Variants in OTUD7A observed in about 807,000 individuals in gnomAD.
The protein encoded by OTUD7A is OTU deubiquitinase 7A.
Under a neutral mutation model 65.7 loss-of-function variants are expected in OTUD7A, and 12 were observed. The ratio of observed to expected loss-of-function variants is 0.18; its 90% CI spans 0.12 to 0.30. OTUD7A has a LOEUF of 0.30. Ranked by LOEUF, OTUD7A falls within the 10% of genes least tolerant of loss-of-function variation. OTUD7A has a pLI of 1.00. For missense variants in OTUD7A, 1,148 were observed against 1,304.8 expected (o/e 0.88, Z 1.85); for synonymous variants, 641 against 586.3 (o/e 1.09, Z -1.35).
chr15:31,680,017 A>G (rs1331489422), intron 1 of OTUD7A, among the ~76,000 whole-genome samples: 18 of 152,232 alleles, frequency 1.2e-4, no homozygotes, highest in Non-Finnish European at 2.6e-4. Context: ...GACAAATGAA[A>G]AGAGAATCAA....
rs566757815 is a variant in OTUD7A at position 31,625,013 on chromosome 15, T to C, written c.151+30083A>G. ...GATGGGATGTCACTTCCGAGATTAC[T>C]CCATGACACACTGTGGCTTCCACCA... On this transcript the variant is annotated intron_variant, in intron 3 of 12. Coordinates refer to ENST00000307050, the MANE Select transcript of OTUD7A (RefSeq NM_001382637.1). Among the ~76,000 whole-genome samples, 16 of 152,336 alleles carry C rather than the reference T, an allele frequency of 1.1e-4. 1 individual carries two copies. The highest frequency in any genetic ancestry group is 6.8e-3 in the Middle Eastern group (2 of 294).
rs768113871 is a variant in OTUD7A at position 31,655,087 on chromosome 15, T to G, written c.151+9A>C. The G allele has an allele frequency of 1.2e-6, 2 of 1,607,240 alleles. No homozygotes were observed. Among genetic ancestry groups the G allele is most frequent in the Non-Finnish European group, 1.7e-6 (2 of 1,177,790 alleles). On this transcript the variant is annotated intron_variant, in intron 3 of 12. Coordinates refer to ENST00000307050, the MANE Select transcript of OTUD7A (RefSeq NM_001382637.1). Reference sequence around the variant, plus strand: ...AATGGTGGTGTGGGGAACAAGGAGGTGGGCTTACCTTCCAGCAGGTCTCTG... The same window carrying G: ...AATGGTGGTGTGGGGAACAAGGAGGGGGGCTTACCTTCCAGCAGGTCTCTG...
At chr15:31,654,201 T>C (rs1891921262) in intron 3 of OTUD7A, among the ~76,000 whole-genome samples, 1 of 102,572 alleles carries the variant, frequency 9.7e-6, no homozygotes, top group Non-Finnish European at 2.0e-5. Context: ...TTGATTTCCA[T>C]AGATTGCAAA....
At chr15:31,599,721 T>C (rs7177083) in intron 3 of OTUD7A, among the ~76,000 whole-genome samples, 27,017 of 151,970 alleles carry the variant, frequency 0.18, 2,611 homozygotes, top group East Asian at 0.25. Context: ...TCTAACCCAA[T>C]GCAAGGAAGC....
intron 3 of OTUD7A, among the ~76,000 whole-genome samples, chr15:31,630,846 CTTCT>C (rs780216892): frequency 1.3e-5 from 2 of 152,278 alleles, no homozygotes; most frequent in Non-Finnish European, 2.9e-5. Flanking sequence ...ATGTAATGGC[CTTCT>C]TTGTCTCTTT....
intron 3 of OTUD7A, among the ~76,000 whole-genome samples, chr15:31,578,029 A>G (rs905574622): frequency 1.4e-4 from 22 of 152,198 alleles, no homozygotes; most frequent in African/African-American, 5.3e-4. Context: ...ACAATGGAAC[A>G]TAATAGTGTA....
At chr15:31,696,150 G>A (rs1893077790) in intron 1 of OTUD7A, among the ~76,000 whole-genome samples, 1 of 147,502 alleles carries the variant, frequency 6.8e-6, no homozygotes, top group Non-Finnish European at 1.5e-5. Flanking sequence ...GGTTGAGGGG[G>A]GCACAAGGGG....
chr15:31,818,373 C>T (rs969072126), intron 1 of OTUD7A, among the ~76,000 whole-genome samples: 1 of 152,274 alleles, frequency 6.6e-6, no homozygotes, highest in African/African-American at 2.4e-5. Context: ...ATGTTCATTG[C>T]ATCTCTCTTT....
intron 8 of OTUD7A, among the ~76,000 whole-genome samples, 180 bp from the exon 9 acceptor site, chr15:31,503,998 G>A (rs1373721241): frequency 6.6e-6 from 1 of 152,188 alleles, no homozygotes; most frequent in Non-Finnish European, 1.5e-5. Context: ...AAATGCACAG[G>A]TCCCAGCTCC....
chr15:31,569,778 G>A (rs1354486228), intron 4 of OTUD7A, among the ~76,000 whole-genome samples: 1 of 152,162 alleles, frequency 6.6e-6, no homozygotes, highest in African/African-American at 2.4e-5. Context: ...TCACTTATTG[G>A]GCTTTTGGGG....
intron 3 of OTUD7A, among the ~76,000 whole-genome samples, chr15:31,602,279 G>A (rs1890101229): frequency 6.6e-6 from 1 of 152,146 alleles, no homozygotes; most frequent in Non-Finnish European, 1.5e-5. Context: ...CTTCATCCCT[G>A]GGATGCAAGG....
intron 1 of OTUD7A, among the ~76,000 whole-genome samples, chr15:31,660,048 C>T (rs1335875341): frequency 1.3e-5 from 2 of 152,292 alleles, no homozygotes; most frequent in Non-Finnish European, 2.9e-5. Flanking sequence ...AGAACATGCA[C>T]TATTACTATT....
intron 1 of OTUD7A, among the ~76,000 whole-genome samples, chr15:31,661,342 T>C (rs1892159743): frequency 6.6e-6 from 1 of 152,214 alleles, no homozygotes; most frequent in African/African-American, 2.4e-5. Flanking sequence ...GTAGTTTAAC[T>C]GACAGGAGAA....
intron 1 of OTUD7A, among the ~76,000 whole-genome samples, chr15:31,851,665 T>C (rs1408352305): frequency 6.6e-6 from 1 of 152,214 alleles, no homozygotes; most frequent in Non-Finnish European, 1.5e-5. Flanking sequence ...ACTAATCCTT[T>C]GGGTCCTGCT....
chr15:31,645,437 C>A (rs67932861), intron 3 of OTUD7A, among the ~76,000 whole-genome samples: 26,947 of 152,110 alleles, frequency 0.18, 2,607 homozygotes, highest in East Asian at 0.25. Context: ...CTGTTTGCAT[C>A]TACTATCCAG....
At chr15:31,547,610 C>T (rs188914467) in intron 5 of OTUD7A, among the ~76,000 whole-genome samples, 11 of 152,146 alleles carry the variant, frequency 7.2e-5, no homozygotes, top group East Asian at 3.9e-4. Context: ...TTTGATCTTA[C>T]GAGCTCTGTT....
At chr15:31,547,596 A>AC (rs573716054) in intron 5 of OTUD7A, among the ~76,000 whole-genome samples, 25 of 152,310 alleles carry the variant, frequency 1.6e-4, no homozygotes, top group Non-Finnish European at 3.7e-4. Flanking sequence ...CTTAATGAAT[A>AC]TTTTTTGATC....
At chr15:31,733,691 T>G (rs1894110202) in intron 1 of OTUD7A, among the ~76,000 whole-genome samples, 1 of 152,136 alleles carries the variant, frequency 6.6e-6, no homozygotes, top group Non-Finnish European at 1.5e-5. Context: ...GCTGAATAAA[T>G]GAAGTCATGG....
intron 1 of OTUD7A, among the ~76,000 whole-genome samples, chr15:31,847,421 C>T (rs1255255495): frequency 6.6e-6 from 1 of 152,172 alleles, no homozygotes; most frequent in African/African-American, 2.4e-5. Context: ...CGTTCCTTTA[C>T]TACGAGAAGG....
Sources: gnomAD v4.1 joint callset for allele counts (sites outside exome capture counted in the v4.1 genomes callset) on GRCh38, gnomAD v4.1.1 for gene constraint, MANE v1.5 for transcripts, NCBI Gene and HGNC (gene_info 2026-07-23, HGNC 2026-07-21) for gene names.